The following FMNL2 variants were observed in gnomAD, a reference collection of about 807,000 sequenced individuals.
The protein encoded by FMNL2 is formin like 2.
A neutral mutation model predicts 130.2 loss-of-function variants in FMNL2; 51 were observed. That is an observed-to-expected ratio of 0.39 (90% CI 0.31 to 0.49). The LOEUF is 0.49. Among genes scored for constraint, FMNL2 ranks in the 20% least tolerant of loss-of-function variants. The pLI, the probability that FMNL2 is intolerant of heterozygous loss-of-function variation, is 0.85. For missense variants in FMNL2, 977 were observed against 1,316.2 expected (o/e 0.74, Z 3.99); for synonymous variants, 465 against 467.1 (o/e 1.00, Z 0.06).
chr2:152,541,431 G>A (rs1022676288), intron 2 of FMNL2, among the ~76,000 whole-genome samples: 54 of 151,496 alleles, frequency 3.6e-4, no homozygotes, highest in African/African-American at 1.2e-3. Flanking sequence ...ACTTTTTTTT[G>A]TGAGAAATAT....
At chr2:152,424,961 C>T (rs756251547) in intron 1 of FMNL2, among the ~76,000 whole-genome samples, 9 of 152,154 alleles carry the variant, frequency 5.9e-5, no homozygotes, top group East Asian at 5.8e-4. Flanking sequence ...GATACAAGGG[C>T]GCTGAGTTTG....
intron 25 of FMNL2, 49 bp downstream of exon 25, chr2:152,640,963 C>T (rs570364362): frequency 6.2e-7 from 1 of 1,607,444 alleles, no homozygotes; most frequent in African/African-American, 1.3e-5. Flanking sequence ...ACTGGCCTCA[C>T]CTAGACTGGG....
intron 25 of FMNL2, among the ~76,000 whole-genome samples, chr2:152,646,360 T>C (rs1459834839): frequency 6.8e-6 from 1 of 146,498 alleles, no homozygotes; most frequent in Non-Finnish European, 1.5e-5. Context: ...CAGAAAAGAG[T>C]AGGGCAGGGT....
chr2:152,627,083 G>T (rs967257015), intron 17 of FMNL2, among the ~76,000 whole-genome samples: 1 of 152,234 alleles, frequency 6.6e-6, no homozygotes, highest in African/African-American at 2.4e-5. Context: ...TGAGCTGAGC[G>T]TGGCAGATGT....
chr2:152,546,512 C>T (rs2105514734), intron 3 of FMNL2, among the ~76,000 whole-genome samples: 1 of 152,218 alleles, frequency 6.6e-6, no homozygotes, highest in Non-Finnish European at 1.5e-5. Flanking sequence ...CCAAATACCT[C>T]CCACTAGGCC....
chr2:152,402,547 C>T (rs556156869), intron 1 of FMNL2, among the ~76,000 whole-genome samples: 60 of 152,264 alleles, frequency 3.9e-4, no homozygotes, highest in African/African-American at 1.3e-3. Context: ...TACTGGTCCA[C>T]GAAGACAGGA....
In FMNL2 at chr2:152,540,697, G is replaced by C. The variant is rs1233831476; in HGVS notation, c.202-2042G>C. ...CACACTCTGGGGACTGTGGTGGGGT[G>C]GGGGGAGGGGGGAGGGATAGCATTG... On this transcript the variant is annotated intron_variant, in intron 2 of 25. Coordinates refer to ENST00000288670, the MANE Select transcript of FMNL2 (RefSeq NM_052905.4). 7.7e-5 allele frequency among the ~76,000 whole-genome samples: 9 copies of C among 116,560 alleles called. No homozygotes were observed. In the South Asian group the frequency reaches 2.3e-3, roughly 30 times the overall value. 76.5% of individuals were successfully genotyped at this position (116,560 alleles called of 152,430 possible). A position where few individuals can be genotyped will look rare whatever the true frequency, so the allele number is the denominator to read the frequency against.
chr2:152,339,280 C>T (rs1024078051), intron 1 of FMNL2, among the ~76,000 whole-genome samples: 4 of 151,948 alleles, frequency 2.6e-5, no homozygotes, highest in African/African-American at 9.7e-5. Context: ...AAGTGTGGCC[C>T]AGGGAAGCCA....
At chr2:152,505,384 A>G (rs979363642) in intron 1 of FMNL2, among the ~76,000 whole-genome samples, 6 of 152,232 alleles carry the variant, frequency 3.9e-5, no homozygotes, top group African/African-American at 1.4e-4. Flanking sequence ...TAGAATTAGA[A>G]ACAATTCCAA....
At chr2:152,642,694 C>T (rs1001161206) in intron 25 of FMNL2, among the ~76,000 whole-genome samples, 2 of 152,204 alleles carry the variant, frequency 1.3e-5, no homozygotes, top group Admixed American at 6.5e-5. Context: ...GGGAAGCATC[C>T]AGCCTTGCTC....
At chr2:152,504,832 A>G (rs1379961930) in intron 1 of FMNL2, among the ~76,000 whole-genome samples, 1 of 152,154 alleles carries the variant, frequency 6.6e-6, no homozygotes, top group East Asian at 1.9e-4. Flanking sequence ...AGGAATGTGC[A>G]TATCTGTGTA....
chr2:152,643,854 T>C (rs937562349), intron 25 of FMNL2: 6 of 985,448 alleles, frequency 6.1e-6, no homozygotes, highest in Non-Finnish European at 7.2e-6. Context: ...ACCAAGTAGA[T>C]TGCTTATAAG....
At chr2:152,385,892 G>C (rs565196527) in intron 1 of FMNL2, among the ~76,000 whole-genome samples, 1 of 152,248 alleles carries the variant, frequency 6.6e-6, no homozygotes, top group East Asian at 1.9e-4. Context: ...GCTTGAGCAG[G>C]TTGGCTGCCA....
intron 1 of FMNL2, among the ~76,000 whole-genome samples, chr2:152,382,428 A>G (rs1487878541): frequency 6.6e-6 from 1 of 152,166 alleles, no homozygotes; most frequent in Non-Finnish European, 1.5e-5. Context: ...TTGATAATCA[A>G]GTGTGGGAGG....
chr2:152,469,039 A>G (rs1689711547), intron 1 of FMNL2, among the ~76,000 whole-genome samples: 1 of 152,242 alleles, frequency 6.6e-6, no homozygotes, highest in East Asian at 1.9e-4. Context: ...ATGAAAGTGG[A>G]GAAAATTAAC....
At chr2:152,493,827 C>G (rs1691351148) in intron 1 of FMNL2, among the ~76,000 whole-genome samples, 1 of 152,162 alleles carries the variant, frequency 6.6e-6, no homozygotes, top group Non-Finnish European at 1.5e-5. Flanking sequence ...ATTACGCAGC[C>G]TTGGGTATCC....
intron 2 of FMNL2, among the ~76,000 whole-genome samples, chr2:152,528,907 G>T (rs1477885691): frequency 6.6e-6 from 1 of 152,104 alleles, no homozygotes; most frequent in African/African-American, 2.4e-5. Context: ...CAGTCAAAGG[G>T]AGAAAGAACA....
chr2:152,390,093 G>A, intron 1 of FMNL2: 1 of 1,451,046 alleles, frequency 6.9e-7, no homozygotes, highest in Middle Eastern at 1.8e-4. Context: ...GAAGGAGGAA[G>A]ATGAGGAGGA....
chr2:152,342,027 C>T lies in FMNL2; in HGVS notation c.117+6307C>T, dbSNP rs558217253. Among the ~76,000 whole-genome samples the T allele has an allele frequency of 3.4e-3, 517 of 152,306 alleles. 6 individuals are homozygous for T. Among genetic ancestry groups the T allele is most frequent in the Non-Finnish European group, 5.0e-3 (338 of 68,030 alleles). ...GCAGGTTCTAGACATAGAATTATAA[C>T]ACCTGAGAGTGGGGAAAGATCTCCT... On this transcript the variant is annotated intron_variant, in intron 1 of 25. Coordinates refer to ENST00000288670, the MANE Select transcript of FMNL2 (RefSeq NM_052905.4).
Sources: gnomAD v4.1 joint callset for allele counts (sites outside exome capture counted in the v4.1 genomes callset) on GRCh38, gnomAD v4.1.1 for gene constraint, MANE v1.5 for transcripts, NCBI Gene and HGNC (gene_info 2026-07-23, HGNC 2026-07-21) for gene names.